CALN1: variants seen among roughly 807,000 people sequenced by gnomAD.
CALN1 encodes the protein calcium-binding protein 8.
In CALN1, 17 loss-of-function variants were observed where a neutral mutation model predicts 30.6. The observed-to-expected ratio is 0.56, with a 90% CI of 0.38 to 0.83. The LOEUF is 0.83. Ranked by LOEUF, CALN1 falls within the 40% of genes least tolerant of loss-of-function variation. The pLI is 0.00. For missense variants in CALN1, 291 were observed against 354.9 expected (o/e 0.82, Z 1.45); for synonymous variants, 156 against 131.4 (o/e 1.19, Z -1.28).
Position 72,262,922 on chromosome 7 carries a change from C to A in CALN1, c.244+15764G>T, listed in dbSNP as rs75927870. On this transcript the variant is annotated intron_variant, in intron 3 of 6. Coordinates refer to ENST00000395275, the MANE Select transcript of CALN1 (RefSeq NM_031468.4). ...GAAAGGTATCCTTATGCGCTTAGAG[C>A]TAAGACACAAAGACTCACAATGGGT... Among the ~76,000 whole-genome samples the A allele has an allele frequency of 4.3e-3, 653 of 152,312 alleles. 7 individuals are homozygous for A. Among genetic ancestry groups the A allele is most frequent in the African/African-American group, 0.015 (631 of 41,580 alleles).
intron 3 of CALN1, among the ~76,000 whole-genome samples, chr7:72,253,833 C>G (rs1210509687): frequency 6.6e-6 from 1 of 152,172 alleles, no homozygotes; most frequent in Non-Finnish European, 1.5e-5. Flanking sequence ...CTCCGCCTCC[C>G]AGGTTCAAGC....
At chr7:72,206,072 A>C (rs1023977759) in intron 3 of CALN1, among the ~76,000 whole-genome samples, 2 of 152,182 alleles carry the variant, frequency 1.3e-5, no homozygotes, top group African/African-American at 4.8e-5. Context: ...GTGAATCCTC[A>C]ATATCTGGAA....
At chr7:72,277,769 T>C (rs932707597) in intron 3 of CALN1, among the ~76,000 whole-genome samples, 2 of 152,104 alleles carry the variant, frequency 1.3e-5, no homozygotes, top group African/African-American at 4.8e-5. Context: ...GGCTCCCTAA[T>C]GTGCACATAC....
At chr7:72,349,662 G>A (rs538581913) in intron 2 of CALN1, among the ~76,000 whole-genome samples, 5 of 152,284 alleles carry the variant, frequency 3.3e-5, no homozygotes, top group African/African-American at 7.2e-5. Context: ...TGTCATGACG[G>A]TTTTGACTTG....
chr7:72,325,599 C>T (rs907200471), intron 2 of CALN1, among the ~76,000 whole-genome samples: 1 of 152,060 alleles, frequency 6.6e-6, no homozygotes, highest in African/African-American at 2.4e-5. Context: ...GAAACTCTGT[C>T]TCGAAAATAA....
At chr7:72,192,785 C>T (rs188562538) in intron 3 of CALN1, among the ~76,000 whole-genome samples, 2,193 of 145,440 alleles carry the variant, frequency 0.015, 58 homozygotes, top group African/African-American at 0.052. Context: ...GTATATCTCC[C>T]GATGCTATCC....
At chr7:71,847,986 C>A (rs1790418728) in intron 5 of CALN1, among the ~76,000 whole-genome samples, 1 of 152,106 alleles carries the variant, frequency 6.6e-6, no homozygotes, top group Non-Finnish European at 1.5e-5. Flanking sequence ...TCCATTAAAT[C>A]TCCTTTTCTT....
At chr7:72,424,916 C>T (rs1408522420) in intron 1 of CALN1, among the ~76,000 whole-genome samples, 1 of 152,018 alleles carries the variant, frequency 6.6e-6, no homozygotes, top group Non-Finnish European at 1.5e-5. Flanking sequence ...AGATGAATGG[C>T]AAGATTCACA....
chr7:72,145,705 C>T (rs947929807), intron 3 of CALN1, among the ~76,000 whole-genome samples: 28 of 152,158 alleles, frequency 1.8e-4, no homozygotes, highest in East Asian at 1.7e-3. Context: ...GGATGAACAT[C>T]GATGCAAAAA....
chr7:72,220,527 G>A (rs1331048517), intron 3 of CALN1, among the ~76,000 whole-genome samples: 1 of 151,988 alleles, frequency 6.6e-6, no homozygotes, highest in Admixed American at 6.6e-5. Context: ...CTTTATAGCA[G>A]CATGATTTAT....
chr7:72,336,912 G>T (rs2129558554), intron 2 of CALN1: 1 of 984,798 alleles, frequency 1.0e-6, no homozygotes, highest in Non-Finnish European at 1.2e-6. Flanking sequence ...CCCCCGGGCC[G>T]CTCCCCACGC....
chr7:72,150,910 C>T (rs371105930), intron 3 of CALN1, among the ~76,000 whole-genome samples: 4 of 115,140 alleles, frequency 3.5e-5, no homozygotes, highest in Admixed American at 8.4e-5. Flanking sequence ...ATGATGGTGA[C>T]GATGACACTG....
chr7:72,391,205 A>G (rs1406120921), intron 2 of CALN1, among the ~76,000 whole-genome samples: 1 of 152,202 alleles, frequency 6.6e-6, no homozygotes, highest in Non-Finnish European at 1.5e-5. Context: ...TTGAAAGAAG[A>G]TGGTAGATCC....
At chr7:72,127,569 C>T (rs1022799911) in intron 3 of CALN1, among the ~76,000 whole-genome samples, 6 of 151,926 alleles carry the variant, frequency 3.9e-5, no homozygotes, top group African/African-American at 9.7e-5. Context: ...AAGTGGTCAA[C>T]GTATATATGG....
intron 2 of CALN1, among the ~76,000 whole-genome samples, chr7:72,334,529 CT>C (rs1342150196): frequency 5.3e-4 from 81 of 152,244 alleles, no homozygotes; most frequent in African/African-American, 1.9e-3. Context: ...TGTACCCCCC[CT>C]CCCCTTACAG....
chr7:71,948,902 G>A (rs990742769), intron 5 of CALN1, among the ~76,000 whole-genome samples: 2 of 151,258 alleles, frequency 1.3e-5, no homozygotes, highest in Non-Finnish European at 2.9e-5. Context: ...AAATAGCCAG[G>A]CATGGTAGCA....
At chr7:72,165,309 A>G (rs868775736) in intron 3 of CALN1, among the ~76,000 whole-genome samples, 1 of 152,168 alleles carries the variant, frequency 6.6e-6, no homozygotes, top group East Asian at 1.9e-4. Context: ...CTGTAATCTC[A>G]GCACTTTGAG....
chr7:72,437,414 C>T (rs1409383312), intron 1 of CALN1, among the ~76,000 whole-genome samples: 4 of 151,906 alleles, frequency 2.6e-5, no homozygotes, highest in Non-Finnish European at 4.4e-5. Flanking sequence ...CTGAGTGGGT[C>T]AAGTTTGGTT....
chr7:71,977,362 G>A (rs1256424817), intron 5 of CALN1, among the ~76,000 whole-genome samples: 1 of 152,158 alleles, frequency 6.6e-6, no homozygotes, highest in East Asian at 1.9e-4. Flanking sequence ...TTAAGCCAAG[G>A]AGTTCAAGGC....
Sources: allele counts gnomAD v4.1 joint callset (sites outside exome capture counted in the v4.1 genomes callset), GRCh38; gene constraint gnomAD v4.1.1; transcripts MANE v1.5; gene names NCBI Gene and HGNC (gene_info 2026-07-23, HGNC 2026-07-21).